The following ZRANB3 variants were observed in gnomAD, a reference collection of about 807,000 sequenced individuals.
ZRANB3 encodes zinc finger RANBP2-type containing 3, also known as DNA annealing helicase and endonuclease ZRANB3.
Under a neutral mutation model 133.8 loss-of-function variants are expected in ZRANB3, and 125 were observed. The ratio of observed to expected loss-of-function variants is 0.93; its 90% CI spans 0.81 to 1.08. The LOEUF (loss-of-function observed/expected upper bound fraction) is 1.08. Among genes scored for constraint, ZRANB3 ranks in the 50% least tolerant of loss-of-function variants. The pLI, the probability that ZRANB3 is intolerant of heterozygous loss-of-function variation, is 0.00. For synonymous variants in ZRANB3, 387 were observed against 432.7 expected (o/e 0.89, Z 1.31); for missense variants, 1,229 against 1,275.5 (o/e 0.96, Z 0.56).
chr2:135,420,120 T>C (rs957500014), intron 2 of ZRANB3, among the ~76,000 whole-genome samples: 5 of 88,160 alleles, frequency 5.7e-5, no homozygotes, highest in African/African-American at 9.5e-5. Context: ...TATATATATA[T>C]ATATAACTTA....
chr2:135,468,075 T>C (rs973251889), intron 2 of ZRANB3, among the ~76,000 whole-genome samples: 2 of 152,238 alleles, frequency 1.3e-5, no homozygotes, highest in African/African-American at 2.4e-5. Flanking sequence ...TTTTATTACC[T>C]GCTACTCACT....
At chr2:135,304,460 A>G (rs557230741) in intron 8 of ZRANB3, among the ~76,000 whole-genome samples, 1 of 152,262 alleles carries the variant, frequency 6.6e-6, no homozygotes, top group African/African-American at 2.4e-5. Flanking sequence ...CAATTTGCTA[A>G]TATTTTGTTA....
intron 2 of ZRANB3, among the ~76,000 whole-genome samples, chr2:135,484,122 T>C (rs1040990409): frequency 2.0e-5 from 3 of 152,198 alleles, no homozygotes; most frequent in Non-Finnish European, 4.4e-5. Flanking sequence ...TAGATGTCTA[T>C]TAGGTCCGCT....
At chr2:135,480,662 G>A (rs1249819826) in intron 2 of ZRANB3, among the ~76,000 whole-genome samples, 1 of 151,112 alleles carries the variant, frequency 6.6e-6, no homozygotes, top group African/African-American at 2.4e-5. Context: ...TGTGCACATT[G>A]TGCAGGTTAG....
At chr2:135,359,501 T>C (rs988996063) in intron 3 of ZRANB3, among the ~76,000 whole-genome samples, 3 of 150,438 alleles carry the variant, frequency 2.0e-5, no homozygotes, top group African/African-American at 7.4e-5. Context: ...GAGGACTGCT[T>C]GAGTCCAGAA....
chr2:135,482,785 C>G (rs140931540), intron 2 of ZRANB3, among the ~76,000 whole-genome samples: 2 of 152,154 alleles, frequency 1.3e-5, no homozygotes, highest in African/African-American at 4.8e-5. Flanking sequence ...TTTTGAAATA[C>G]GTTCCATCAG....
intron 2 of ZRANB3, among the ~76,000 whole-genome samples, chr2:135,495,228 T>TA (rs919941415): frequency 9.2e-5 from 14 of 152,146 alleles, no homozygotes; most frequent in African/African-American, 3.1e-4. Context: ...ATCATGTTTC[T>TA]AAAAAAACAA....
chr2:135,275,502 G>T, intron 9 of ZRANB3, 134 bp downstream of exon 9: 1 of 616,652 alleles, frequency 1.6e-6, no homozygotes, highest in Non-Finnish European at 2.4e-6. Flanking sequence ...TAATTTTCAA[G>T]AAAAATGTGT....
chr2:135,514,117 T>C (rs560629686), intron 1 of ZRANB3, among the ~76,000 whole-genome samples: 3 of 152,320 alleles, frequency 2.0e-5, no homozygotes, highest in Admixed American at 2.0e-4. Context: ...TTGTTTTGGC[T>C]ATACGGGCTC....
chr2:135,403,423 C>A (rs958102301), intron 2 of ZRANB3, among the ~76,000 whole-genome samples: 1 of 152,178 alleles, frequency 6.6e-6, no homozygotes, highest in Admixed American at 6.5e-5. Flanking sequence ...CCCGCCATTG[C>A]GGAGGCTTGA....
At chr2:135,516,229 C>CTA (rs1693694099) in intron 1 of ZRANB3, among the ~76,000 whole-genome samples, 1 of 152,092 alleles carries the variant, frequency 6.6e-6, no homozygotes, top group Non-Finnish European at 1.5e-5. Flanking sequence ...GGTCTTGACT[C>CTA]TATCCAGTTT....
intron 2 of ZRANB3, among the ~76,000 whole-genome samples, chr2:135,427,757 A>G (rs1689157197): frequency 1.3e-5 from 2 of 152,244 alleles, no homozygotes; most frequent in African/African-American, 4.8e-5. Context: ...ATTCAAAGTA[A>G]AAAGAACAAA....
intron 6 of ZRANB3, among the ~76,000 whole-genome samples, chr2:135,339,996 G>T (rs1684560127): frequency 6.6e-6 from 1 of 151,444 alleles, no homozygotes; most frequent in Non-Finnish European, 1.5e-5. Flanking sequence ...AGTTATAAAA[G>T]AATTCCTCTA....
chr2:135,280,226 G>A (rs1163948521), intron 8 of ZRANB3, among the ~76,000 whole-genome samples: 1 of 152,136 alleles, frequency 6.6e-6, no homozygotes, highest in Non-Finnish European at 1.5e-5. Context: ...CCTGTTAGTC[G>A]AAGATCTAAT....
intron 12 of ZRANB3, among the ~76,000 whole-genome samples, chr2:135,263,801 A>T (rs1000141675): frequency 1.3e-5 from 2 of 151,652 alleles, no homozygotes; most frequent in African/African-American, 4.8e-5. Flanking sequence ...TTTTAGACAG[A>T]GTCTCACTCT....
chr2:135,496,077 C>T (rs1286197051), intron 2 of ZRANB3, among the ~76,000 whole-genome samples: 1 of 152,042 alleles, frequency 6.6e-6, no homozygotes, highest in African/African-American at 2.4e-5. Flanking sequence ...TACTCATTTA[C>T]ATCTCTCAAA....
intron 2 of ZRANB3, among the ~76,000 whole-genome samples, chr2:135,482,321 A>T (rs1667633003): frequency 1.5e-5 from 2 of 135,100 alleles, no homozygotes; most frequent in Admixed American, 1.5e-4. Context: ...CTCCTTGAAG[A>T]GGTCCTTCAC....
chr2:135,290,487 CT>C (rs1485521035), intron 8 of ZRANB3, among the ~76,000 whole-genome samples: 7 of 152,096 alleles, frequency 4.6e-5, no homozygotes, highest in Non-Finnish European at 8.8e-5. Context: ...TATGTGAATC[CT>C]TATGTGTTAG....
intron 3 of ZRANB3, among the ~76,000 whole-genome samples, chr2:135,363,690 A>ATTCC (rs1685793055): frequency 6.6e-6 from 1 of 152,204 alleles, no homozygotes. Flanking sequence ...GGGGGGAAAA[A>ATTCC]GTCCAATCTC....
Sources: allele counts gnomAD v4.1 joint callset (sites outside exome capture counted in the v4.1 genomes callset), GRCh38; gene constraint gnomAD v4.1.1; transcripts MANE v1.5; gene names NCBI Gene and HGNC (gene_info 2026-07-23, HGNC 2026-07-21).